The following ABLIM1 variants were observed in gnomAD, a reference collection of about 807,000 sequenced individuals.
ABLIM1 encodes the protein actin-binding LIM protein 1.
A neutral mutation model predicts 107.0 loss-of-function variants in ABLIM1; 40 were observed. The observed-to-expected ratio is 0.37, with a 90% CI of 0.29 to 0.49. The LOEUF (loss-of-function observed/expected upper bound fraction) is 0.49. ABLIM1 is among the 20% of genes least tolerant of loss of function. ABLIM1 has a pLI of 0.97. For synonymous variants in ABLIM1, 357 were observed against 357.3 expected, an observed-to-expected ratio of 1.00 and a Z score of 0.01; for missense variants, 857 against 1,008.5, an observed-to-expected ratio of 0.85 and a Z score of 2.04.
chr10:114,799,659 C>T, the ABLIM1 span, among the ~76,000 whole-genome samples: 1 of 152,264 alleles, frequency 6.6e-6, no homozygotes, highest in Non-Finnish European at 1.5e-5. Context: ...ATCACCACTT[C>T]CTCCACTAGT....
chr10:114,641,636 G>A (rs1316030619), intron 1 of ABLIM1, among the ~76,000 whole-genome samples: 2 of 152,158 alleles, frequency 1.3e-5, no homozygotes, highest in African/African-American at 2.4e-5. Flanking sequence ...CTTTGAGGAC[G>A]TGCTATGTGA....
chr10:114,511,394 C>T (rs1204392973), intron 6 of ABLIM1, among the ~76,000 whole-genome samples: 1 of 151,808 alleles, frequency 6.6e-6, no homozygotes, highest in Non-Finnish European at 1.5e-5. Flanking sequence ...GAGACAGAGT[C>T]TTGCTCTGTC....
chr10:114,711,804 GAGA>G (rs2081554584), intron 1 of ABLIM1, among the ~76,000 whole-genome samples: 1 of 152,230 alleles, frequency 6.6e-6, no homozygotes, highest in East Asian at 1.9e-4. Flanking sequence ...TGACCTGGTA[GAGA>G]AGGAGTCCAG....
chr10:114,447,961 C>A lies in ABLIM1; in HGVS notation c.1654G>T (p.Ala552Ser). The A allele has an allele frequency of 6.2e-7, 1 of 1,614,124 alleles. No individual in the cohort carries two copies. The highest frequency in any genetic ancestry group is 8.5e-7 in the Non-Finnish European group (1 of 1,180,022). The change falls in exon 15 of 23, where the codon GCA (alanine) becomes TCA (serine). Residue 552 changes from alanine to serine, a missense_variant. This residue lies in a region of ABLIM1 where 103 missense variants were observed against 101.0 expected (regional missense o/e 1.02). Transcript: ENST00000533213. ...TCGCTGGGGTCTGGTGCCTGGGCTGCTGGGAACTTGGAAAACTTGATGATA... is the reference window on the plus strand; with the variant it reads ...TCGCTGGGGTCTGGTGCCTGGGCTGATGGGAACTTGGAAAACTTGATGATA... The part of the protein sequence containing the change: ...EDIIKFSKFP[A>S]AQAPDPSETP...
At chr10:114,788,330 A>T in the ABLIM1 span, among the ~76,000 whole-genome samples, 825 of 135,026 alleles carry the variant, frequency 6.1e-3, 7 homozygotes, top group African/African-American at 0.024. Context: ...GATCAATAAA[A>T]AAATAAAAAA....
the ABLIM1 span, chr10:114,778,603 A>G: frequency 6.6e-6 from 1 of 150,740 alleles, no homozygotes; most frequent in Non-Finnish European, 1.5e-5. Context: ...ACACACACAC[A>G]CACACACACA....
At chr10:114,466,398 T>C (rs1361089932) in intron 11 of ABLIM1, among the ~76,000 whole-genome samples, 2 of 152,134 alleles carry the variant, frequency 1.3e-5, no homozygotes, top group Non-Finnish European at 2.9e-5. Flanking sequence ...CCAATGACCA[T>C]GCTGACATTG....
At chr10:114,662,655 C>A (rs1476760025), upstream of ABLIM1, among the ~76,000 whole-genome samples, 1 of 152,210 alleles carries the variant, frequency 6.6e-6, no homozygotes, top group East Asian at 1.9e-4. Flanking sequence ...TGCTTCTCTT[C>A]CCGTAATGCC....
intron 1 of ABLIM1, among the ~76,000 whole-genome samples, chr10:114,680,421 T>A (rs1405550814): frequency 6.6e-6 from 1 of 152,226 alleles, no homozygotes; most frequent in African/African-American, 2.4e-5. Context: ...AAAAGGAGCA[T>A]GCTTTCCTTC....
intron 12 of ABLIM1, among the ~76,000 whole-genome samples, chr10:114,460,804 T>C (rs1421277574): frequency 6.6e-6 from 1 of 152,166 alleles, no homozygotes; most frequent in African/African-American, 2.4e-5. Context: ...CAGATTCCAA[T>C]GCCCATGGGC....
At position 114,631,397 on chromosome 10, in the gene ABLIM1, G is replaced by A. The variant is rs139078159; in HGVS notation, c.244+26560C>T. Among the ~76,000 whole-genome samples the A allele has an allele frequency of 2.1e-4, 32 of 152,274 alleles. 1 individual carries two copies. Among genetic ancestry groups the A allele is most frequent in the Middle Eastern group, 3.4e-3 (1 of 294 alleles). Reference sequence around the variant, plus strand: ...GAGTGATTAGGGATAATAGTGAAATGACAGGTTATACACGCAGAGCACCTG... The same window carrying A: ...GAGTGATTAGGGATAATAGTGAAATAACAGGTTATACACGCAGAGCACCTG... On this transcript the variant is annotated intron_variant, in intron 1 of 22. Coordinates refer to ENST00000533213, the MANE Select transcript of ABLIM1 (RefSeq NM_002313.7).
chr10:114,713,296 A>G (rs1591868423), intron 1 of ABLIM1, among the ~76,000 whole-genome samples: 1 of 152,326 alleles, frequency 6.6e-6, no homozygotes, highest in Admixed American at 6.5e-5. Flanking sequence ...CTCTGGAACC[A>G]GGATAAATGG....
chr10:114,740,852 T>C (rs2082272530), intron 1 of ABLIM1, among the ~76,000 whole-genome samples: 2 of 152,008 alleles, frequency 1.3e-5, no homozygotes, highest in Non-Finnish European at 2.9e-5. Context: ...GAGACTAGCC[T>C]AGCCAACATG....
intron 12 of ABLIM1, among the ~76,000 whole-genome samples, chr10:114,455,138 C>T (rs2062562008): frequency 6.6e-6 from 1 of 152,026 alleles, no homozygotes; most frequent in Admixed American, 6.6e-5. Context: ...ATTTTAATGT[C>T]TCAGCATGTA....
At chr10:114,698,019 A>T (rs1361660965) in intron 1 of ABLIM1, among the ~76,000 whole-genome samples, 1 of 43,990 alleles carries the variant, frequency 2.3e-5, no homozygotes, top group Admixed American at 2.4e-4. Flanking sequence ...AATCCCCCAC[A>T]TAGAAATCTC....
In ABLIM1 at chr10:114,463,573, G is replaced by A. The variant is rs550708626; in HGVS notation, c.1441+2125C>T. On this transcript the variant is annotated intron_variant, in intron 12 of 22. Coordinates refer to ENST00000533213, the MANE Select transcript of ABLIM1 (RefSeq NM_002313.7). ...CATTGTATTTATATGTAAGGGTCAG[G>A]TTTTTTTTTTCTTAAGCAAACATCC... Among the ~76,000 whole-genome samples, 523 of 150,534 alleles carry A rather than the reference G, an allele frequency of 3.5e-3. 3 individuals carry two copies. Among genetic ancestry groups the A allele is most frequent in the African/African-American group, 0.012 (493 of 41,036 alleles).
intron 1 of ABLIM1, among the ~76,000 whole-genome samples, chr10:114,623,419 G>A (rs1166555160): frequency 1.3e-5 from 2 of 152,178 alleles, no homozygotes; most frequent in Non-Finnish European, 2.9e-5. Context: ...ACATGGCTTT[G>A]TTTCATCCTG....
At chr10:114,496,388 C>T (rs2059669227) in intron 6 of ABLIM1, among the ~76,000 whole-genome samples, 1 of 152,130 alleles carries the variant, frequency 6.6e-6, no homozygotes, top group South Asian at 2.1e-4. Flanking sequence ...CCTCAGCAAA[C>T]TAACACAGGA....
chr10:114,616,326 C>G (rs989620365), intron 1 of ABLIM1, among the ~76,000 whole-genome samples: 3 of 152,250 alleles, frequency 2.0e-5, no homozygotes, highest in African/African-American at 7.2e-5. Context: ...GTGTCCTGAG[C>G]ACACATGGCT....
Sources: allele counts gnomAD v4.1 joint callset (sites outside exome capture counted in the v4.1 genomes callset), GRCh38; gene constraint gnomAD v4.1.1; regional missense constraint gnomAD v4.1.1; transcripts MANE v1.5; gene names NCBI Gene and HGNC (gene_info 2026-07-23, HGNC 2026-07-21).